LYPLAL1: variants seen among roughly 807,000 people sequenced by gnomAD.
LYPLAL1 encodes the protein lysophospholipase like 1.
A neutral mutation model predicts 19.7 loss-of-function variants in LYPLAL1; 23 were observed. That is an observed-to-expected ratio of 1.17 (90% CI 0.84 to 1.65). LYPLAL1 has a LOEUF of 1.65. Among genes scored for constraint, LYPLAL1 ranks in the 40% most tolerant of loss-of-function variants. The pLI is 0.00. For synonymous variants in LYPLAL1, 119 were observed against 96.3 expected (o/e 1.24, Z -1.38); for missense variants, 355 against 279.4 (o/e 1.27, Z -1.93).
the LYPLAL1 span, among the ~76,000 whole-genome samples, chr1:219,351,906 A>G: frequency 6.6e-6 from 1 of 152,364 alleles, no homozygotes; most frequent in Non-Finnish European, 1.5e-5. Context: ...TAGATGGCAA[A>G]AAGTCACCTC....
the LYPLAL1 span, among the ~76,000 whole-genome samples, chr1:219,344,400 G>C: frequency 1.3e-5 from 2 of 152,042 alleles, no homozygotes; most frequent in Non-Finnish European, 2.9e-5. Context: ...TGTCTCTCCT[G>C]TACTTACTGT....
At chr1:219,261,447 C>T in the LYPLAL1 span, among the ~76,000 whole-genome samples, 1 of 152,078 alleles carries the variant, frequency 6.6e-6, no homozygotes, top group Non-Finnish European at 1.5e-5. Context: ...GGAGCTGATC[C>T]AGCGATAATG....
chr1:219,340,811 C>T, the LYPLAL1 span, among the ~76,000 whole-genome samples: 2 of 151,978 alleles, frequency 1.3e-5, no homozygotes, highest in African/African-American at 4.8e-5. Context: ...TGAAAATTAT[C>T]AGTGAAACGA....
chr1:219,330,764 C>G, the LYPLAL1 span, among the ~76,000 whole-genome samples: 5 of 152,194 alleles, frequency 3.3e-5, no homozygotes, highest in African/African-American at 1.2e-4. Context: ...GCATGTTTGT[C>G]TCATAAAAGC....
At chr1:219,190,350 C>G (rs891942210) in intron 2 of LYPLAL1, among the ~76,000 whole-genome samples, 3 of 151,398 alleles carry the variant, frequency 2.0e-5, no homozygotes, top group Non-Finnish European at 4.4e-5. Context: ...CCTTTCCTCC[C>G]TTTCTCTCTC....
chr1:219,279,037 G>A, the LYPLAL1 span, among the ~76,000 whole-genome samples: 1 of 152,154 alleles, frequency 6.6e-6, no homozygotes, highest in Non-Finnish European at 1.5e-5. Flanking sequence ...CAGCCTTGTA[G>A]GGGGATTCCT....
At chr1:219,174,938 A>C in intron 1 of LYPLAL1, 1 of 985,460 alleles carries the variant, frequency 1.0e-6, no homozygotes, top group Non-Finnish European at 1.2e-6. Context: ...AGAGAAAAAA[A>C]TGTGGTTAGG....
the LYPLAL1 span, among the ~76,000 whole-genome samples, chr1:219,422,401 A>T: frequency 6.6e-6 from 1 of 152,162 alleles, no homozygotes; most frequent in Non-Finnish European, 1.5e-5. Flanking sequence ...TTCCTTCCTG[A>T]AAGATAGGAC....
the LYPLAL1 span, among the ~76,000 whole-genome samples, chr1:219,229,632 AAG>A: frequency 3.3e-5 from 5 of 152,180 alleles, no homozygotes; most frequent in Admixed American, 6.5e-5. Context: ...GCAAAACTAA[AAG>A]AGCACACTGT....
At chr1:219,257,159 C>T in the LYPLAL1 span, among the ~76,000 whole-genome samples, 3 of 151,882 alleles carry the variant, frequency 2.0e-5, no homozygotes, top group Non-Finnish European at 4.4e-5. Context: ...AAAGTCTCTG[C>T]TATGATTGTT....
intron 3 of LYPLAL1, among the ~76,000 whole-genome samples, chr1:219,193,794 C>T (rs1051343099): frequency 5.3e-5 from 8 of 151,700 alleles, no homozygotes; most frequent in Admixed American, 1.3e-4. Flanking sequence ...TTAGCATATA[C>T]ATAAATTATT....
chr1:219,260,026 A>C, the LYPLAL1 span, among the ~76,000 whole-genome samples: 15 of 152,012 alleles, frequency 9.9e-5, no homozygotes, highest in African/African-American at 3.4e-4. Context: ...GAAATGAATG[A>C]ATTTGTTTAA....
intron 3 of LYPLAL1, among the ~76,000 whole-genome samples, chr1:219,209,729 T>C (rs952917909): frequency 2.6e-5 from 4 of 152,134 alleles, no homozygotes; most frequent in Admixed American, 2.0e-4. Flanking sequence ...AGTCACTGAC[T>C]TGTCGTCAGG....
At chr1:219,268,313 G>C in the LYPLAL1 span, among the ~76,000 whole-genome samples, 1 of 152,300 alleles carries the variant, frequency 6.6e-6, no homozygotes, top group South Asian at 2.1e-4. Context: ...CTGTGCAAAG[G>C]TGAGATTTAA....
the LYPLAL1 span, among the ~76,000 whole-genome samples, chr1:219,318,962 C>A: frequency 2.0e-5 from 3 of 152,152 alleles, no homozygotes; most frequent in Non-Finnish European, 4.4e-5. Flanking sequence ...GGATCACTGA[C>A]CCCTTGGGAT....
At chr1:219,296,500 C>A in the LYPLAL1 span, among the ~76,000 whole-genome samples, 1 of 152,032 alleles carries the variant, frequency 6.6e-6, no homozygotes, top group Non-Finnish European at 1.5e-5. Flanking sequence ...CTTTGAGACA[C>A]CTGCAGAGGG....
rs933584558 is a variant in LYPLAL1 at position 219,211,683 on chromosome 1, A to C, written c.669A>C (p.Leu223Phe). 1 of 1,612,248 alleles carries C rather than the reference A, an allele frequency of 6.2e-7. No homozygotes were observed. The highest frequency in any genetic ancestry group is 1.3e-5 in the African/African-American group (1 of 74,960). Residue 223 changes from leucine to phenylalanine, a missense_variant, in exon 5 of 5, where the codon TTA (leucine) becomes TTC (phenylalanine). By Grantham distance (22) the Leu-to-Phe change is conservative (BLOSUM62 0). Transcript: ENST00000366928. Reference protein sequence around the residue: ...LSKTELDILKLWILTKLPGEM... With the variant: ...LSKTELDILKFWILTKLPGEM... ...AAACTGAGTTAGACATATTGAAGTTATGGATTCTTACAAAGCTGCCAGGAG... is the reference window on the plus strand; with the variant it reads ...AAACTGAGTTAGACATATTGAAGTTCTGGATTCTTACAAAGCTGCCAGGAG...
chr1:219,243,448 A>C, the LYPLAL1 span, among the ~76,000 whole-genome samples: 2 of 152,260 alleles, frequency 1.3e-5, no homozygotes, highest in East Asian at 3.9e-4. Flanking sequence ...AATAAAAACA[A>C]AATAAAGGAA....
At chr1:219,366,764 G>A in the LYPLAL1 span, among the ~76,000 whole-genome samples, 5 of 151,944 alleles carry the variant, frequency 3.3e-5, no homozygotes, top group African/African-American at 7.3e-5. Flanking sequence ...GATGGGCCTC[G>A]TGAATGAAAG....
Sources: allele counts gnomAD v4.1 joint callset (sites outside exome capture counted in the v4.1 genomes callset), GRCh38; gene constraint gnomAD v4.1.1; transcripts MANE v1.5; gene names NCBI Gene and HGNC (gene_info 2026-07-23, HGNC 2026-07-21).